MUC6: variants seen among roughly 807,000 people sequenced by gnomAD.
MUC6 encodes the protein mucin-6.
A neutral mutation model predicts 201.5 loss-of-function variants in MUC6; 188 were observed. The ratio of observed to expected loss-of-function variants is 0.93; its 90% CI spans 0.83 to 1.05. The LOEUF (loss-of-function observed/expected upper bound fraction) is 1.05, where lower values mean the gene tolerates loss of function less well. Ranked by LOEUF, MUC6 falls within the 50% of genes least tolerant of loss-of-function variation. MUC6 has a pLI of 0.00. For missense variants in MUC6, 2,706 were observed against 3,256.9 expected (o/e 0.83, Z 4.12); for synonymous variants, 1,228 against 1,389.4 (o/e 0.88, Z 2.58).
rs535850271 is a variant in MUC6, at chr11:1,033,879, C to T, written c.53-804G>A. ...TGCGGCACCTGAGCAGGACCCGTGA[C>T]CTCTCCAGGCCCTTCTTGGGGCCGG... On this transcript the variant is annotated intron_variant, in intron 1 of 32. Coordinates refer to ENST00000421673, the MANE Select transcript of MUC6 (RefSeq NM_005961.3). The surrounding 1 kb of genome is among the most constrained non-coding windows in gnomAD (Gnocchi z 5.6). Among the ~76,000 whole-genome samples, 1 of 152,124 alleles carries T rather than the reference C, an allele frequency of 6.6e-6. No homozygotes were observed. Among genetic ancestry groups the T allele is most frequent in the Non-Finnish European group, 1.5e-5 (1 of 67,984 alleles).
At position 1,020,166 on chromosome 11, in the gene MUC6, G is replaced by A; in HGVS notation, c.3732C>T (p.His1244=). ...SSTGPSPSSN[H]TPASPTQTPL... ...GTGTCTGGGTGGGGCTGGCAGGGGTGTGATTAGAGCTGGGTGAGGGTCCGG... is the reference window on the plus strand; with the variant it reads ...GTGTCTGGGTGGGGCTGGCAGGGGTATGATTAGAGCTGGGTGAGGGTCCGG... The change falls in exon 29 of 33, where the codon CAC becomes CAT. Residue 1244 remains histidine (H), a synonymous_variant. Coordinates refer to ENST00000421673, the MANE Select transcript of MUC6 (RefSeq NM_005961.3). 1.2e-6 allele frequency: 2 copies of A among 1,612,988 alleles called. No individual in the cohort carries two copies. Among genetic ancestry groups the A allele is most frequent in the Non-Finnish European group, 1.7e-6 (2 of 1,179,844 alleles).
Position 1,019,366 on chromosome 11 carries a change from G to C in MUC6, c.3939C>G (p.Ala1313=). The C allele has an allele frequency of 1.2e-6, 2 of 1,613,838 alleles. No individual in the cohort carries two copies. Among genetic ancestry groups the C allele is most frequent in the Non-Finnish European group, 1.7e-6 (2 of 1,179,760 alleles). The change falls in exon 30 of 33, where the codon GCC becomes GCG. Residue 1313 remains alanine, a synonymous_variant. Coordinates refer to ENST00000421673, the MANE Select transcript of MUC6 (RefSeq NM_005961.3). ...GAGCTGTGGACGTCGTGGCTGGGCTGGCGGTCGACGCCGTGGCCCTGGTTG... is the reference window on the plus strand; with the variant it reads ...GAGCTGTGGACGTCGTGGCTGGGCTCGCGGTCGACGCCGTGGCCCTGGTTG... The part of the protein sequence containing the change: ...QATTRATAST[A]SPATTSTAQS...
In MUC6 at chr11:1,027,126, C is replaced by T. The variant is rs569632551; in HGVS notation, c.2284+15G>A. ...CCTCACAGTCCCAGCCTGCGGCCAGCGCTGCTGTACGTACCCAGGAACATC... is the reference window on the plus strand; with the variant it reads ...CCTCACAGTCCCAGCCTGCGGCCAGTGCTGCTGTACGTACCCAGGAACATC... On this transcript the variant is annotated intron_variant, in intron 18 of 32. Coordinates refer to ENST00000421673, the MANE Select transcript of MUC6 (RefSeq NM_005961.3). The T allele has an allele frequency of 2.6e-4, 420 of 1,612,326 alleles. 9 individuals are homozygous for T. The South Asian group carries it at 3.4e-3, about 13-fold the overall frequency.
In MUC6 at chr11:1,029,133, C is replaced by T. The variant is rs761455563; in HGVS notation, c.1293G>A (p.Glu431=). Residue 431 remains glutamate, a synonymous_variant, in exon 11 of 33, where the codon GAG becomes GAA. Transcript: ENST00000421673. The stretch of plus-strand genomic sequence containing the variant: ...CGTACACAGCCATGAGGGCACCGTC[C>T]TCGGGAAGCTGGGGGCTCTGCGAGG... ...YILLQSPQLP[E]DGALMAVYDK... The T allele has an allele frequency of 3.7e-6, 6 of 1,612,194 alleles. No homozygotes were observed. Among genetic ancestry groups the T allele is most frequent in the South Asian group, 1.1e-5 (1 of 90,994 alleles).
chr11:1,028,741 A>C lies in MUC6; in HGVS notation c.1496T>G (p.Met499Arg). Residue 499 changes from methionine to arginine, a missense_variant, in exon 13 of 33, where the codon ATG (methionine) becomes AGG (arginine). Around this residue, in one of 10 missense-constraint regions of MUC6, gnomAD observed 1,850 missense variants for 1,958.3 expected, o/e 0.94. Coordinates refer to ENST00000421673, the MANE Select transcript of MUC6 (RefSeq NM_005961.3). ...GAGCTCCAGCCCGAAGCTGGTGGCCATCTGGAGGTGGGTGGACGTCTGCCT... is the reference window on the plus strand; with the variant it reads ...GAGCTCCAGCCCGAAGCTGGTGGCCCTCTGGAGGTGGGTGGACGTCTGCCT... ...VFRQTSTHLQ[M>R]ATSFGLELVV... 6.2e-7 allele frequency: 1 copy of C among 1,612,506 alleles called. No individual in the cohort carries two copies. Among genetic ancestry groups the C allele is most frequent in the Non-Finnish European group, 8.5e-7 (1 of 1,179,800 alleles).
chr11:1,031,399 A>T, intron 4 of MUC6, 140 bp from the exon 5 acceptor site: 1 of 1,164,210 alleles, frequency 8.6e-7, no homozygotes, highest in Non-Finnish European at 1.2e-6. Flanking sequence ...TGGGAGGCTA[A>T]TTTTCCAGTG....
In MUC6 at chr11:1,029,276, G is replaced by A. The variant is rs1272734163; in HGVS notation, c.1227C>T (p.Asp409=). 1.1e-5 allele frequency: 18 copies of A among 1,606,820 alleles called. No homozygotes were observed. Among genetic ancestry groups the A allele is most frequent in the African/African-American group, 1.3e-5 (1 of 74,858 alleles). Residue 409 remains aspartate, a synonymous_variant, in exon 10 of 33, where the codon GAC becomes GAT. Coordinates refer to ENST00000421673, the MANE Select transcript of MUC6 (RefSeq NM_005961.3). ...LEGGSFVTTF[D]ARPYRFHGTC... is the part of the protein sequence containing the mutation. ...TGCCGTGGAAGCGGTAGGGCCTGGC[G>A]TCAAATGTGGTAACAAAGGAGCCAC...
Position 1,013,575 on chromosome 11 carries a change from A to C in MUC6, c.7201T>G (p.Ser2401Ala). ...GGCAGCTCCAGCTGCTGCTCATAGGAGTGGAGGGGGCGGCAGCAGCTGCAG... is the reference window on the plus strand; with the variant it reads ...GGCAGCTCCAGCTGCTGCTCATAGGCGTGGAGGGGGCGGCAGCAGCTGCAG... ...ARCSCCRPLH[S>A]YEQQLELPCP... The change falls in exon 33 of 33, where the codon TCC becomes GCC. Residue 2401 changes from serine (S) to alanine (A), a missense_variant. This residue lies in a region of MUC6 where 586 missense variants were observed against 488.0 expected (regional missense o/e 1.20). Transcript: ENST00000421673. 6.4e-7 allele frequency: 1 copy of C among 1,572,264 alleles called. No individual in the cohort carries two copies. Among genetic ancestry groups the C allele is most frequent in the South Asian group, 1.2e-5 (1 of 85,410 alleles).
chr11:1,030,533 T>C (rs770718184), intron 7 of MUC6, 40 bp downstream of exon 7: 3 of 1,466,208 alleles, frequency 2.0e-6, no homozygotes, highest in East Asian at 2.5e-5. Context: ...TCTGGAGCCC[T>C]CGGCCTTCCT....
Position 1,015,877 on chromosome 11 carries a change from AG to A in MUC6, c.6923del (p.Pro2308LeufsTer12), listed in dbSNP as rs1275833607. The A allele has an allele frequency of 6.2e-7, 1 of 1,608,590 alleles. No homozygotes were observed. The highest frequency in any genetic ancestry group is 8.5e-7 in the Non-Finnish European group (1 of 1,176,792). ...GTGTGGTAGGCGACAAGGTGGGACCAGGGTGCCTGGTGGTAAGGTTGGTGAC... is the reference window on the plus strand; with the variant it reads ...GTGTGGTAGGCGACAAGGTGGGACCAGGTGCCTGGTGGTAAGGTTGGTGAC... ...SPVTNLTTRH[P>X]GPTLSPTTRF... On this transcript the variant is annotated frameshift_variant, in exon 31 of 33. Transcript: ENST00000421673. LOFTEE classifies it high-confidence loss of function.
chr11:1,020,880 C>CTCTCCCTT (rs1856791371), intron 27 of MUC6, 146 bp from the exon 28 acceptor site: 2 of 1,072,302 alleles, frequency 1.9e-6, no homozygotes, highest in South Asian at 1.5e-5. Context: ...ACCCTCCCCT[C>CTCTCCCTT]TCTCCCTTTC....
chr11:1,029,244 G>C lies in MUC6; in HGVS notation c.1259C>G (p.Thr420Ser). The C allele has an allele frequency of 4.4e-6, 7 of 1,607,898 alleles. No homozygotes were observed. The highest frequency in any genetic ancestry group is 5.9e-6 in the Non-Finnish European group (7 of 1,177,938). Residue 420 changes from threonine (T) to serine (S), a missense_variant, in exon 10 of 33, where the codon ACC becomes AGC. Coordinates refer to ENST00000421673, the MANE Select transcript of MUC6 (RefSeq NM_005961.3). ...TCGTCCTACCTGGAGGAGGATGTAG[G>C]TGCAGGTGCCGTGGAAGCGGTAGGG... ...ARPYRFHGTC[T>S]YILLQSPQLP...
intron 4 of MUC6, 115 bp downstream of exon 4, chr11:1,031,492 C>G: frequency 6.8e-7 from 1 of 1,471,308 alleles, no homozygotes; most frequent in South Asian, 1.3e-5. Flanking sequence ...AAGGGCCTGG[C>G]TGCATGGCAG....
At chr11:1,023,171 A>C (rs1856861409) in intron 26 of MUC6, among the ~76,000 whole-genome samples, 1 of 152,000 alleles carries the variant, frequency 6.6e-6, no homozygotes, top group East Asian at 1.9e-4. Flanking sequence ...ATGAATGTGC[A>C]TGAATCTGCG....
rs769554776 is a variant in MUC6, at chr11:1,021,292, G to A, written c.3527-15C>T. ...GTTGTAGCAGCCTAGGGTGGAGAAC[G>A]GCCAGGGTCTGTGTGACTGGTGGCC... is the stretch of plus-strand genomic sequence containing the variant. On this transcript the variant is annotated splice_polypyrimidine_tract_variant and intron_variant, in intron 26 of 32. Transcript: ENST00000421673. 2.6e-6 allele frequency: 4 copies of A among 1,529,944 alleles called. No homozygotes were observed. Among genetic ancestry groups the A allele is most frequent in the Non-Finnish European group, 3.5e-6 (4 of 1,138,534 alleles). The allele number at this position is 1,529,944 out of a possible 1,614,324, so 94.8% of individuals were successfully genotyped here.
At chr11:1,026,816 C>G in intron 19 of MUC6, 125 bp downstream of exon 19, 1 of 1,056,370 alleles carries the variant, frequency 9.5e-7, no homozygotes, top group East Asian at 2.6e-5. Context: ...GCTTCCACCT[C>G]GTGGCCAGCC....
At position 1,016,045 on chromosome 11, in the gene MUC6, G is replaced by A. The variant is rs961054708; in HGVS notation, c.6756C>T (p.Pro2252=). The A allele has an allele frequency of 1.2e-6, 2 of 1,611,782 alleles. No homozygotes were observed. Among genetic ancestry groups the A allele is most frequent in the Non-Finnish European group, 1.7e-6 (2 of 1,178,490 alleles). Reference sequence around the variant, plus strand: ...CGGTGTGGGTGCTGGCCGTGGTCCTGGGCGTGGACGGAAATGCAATGGTGC... The same window carrying A: ...CGGTGTGGGTGCTGGCCGTGGTCCTAGGCGTGGACGGAAATGCAATGGTGC... ...ASSTIAFPST[P]RTTASTHTAP... Residue 2252 remains proline (P), a synonymous_variant, in exon 31 of 33, where the codon CCC becomes CCT. Transcript: ENST00000421673.
At chr11:1,023,840 C>A in intron 25 of MUC6, 107 bp downstream of exon 25, 1 of 1,478,442 alleles carries the variant, frequency 6.8e-7, no homozygotes, top group Non-Finnish European at 9.1e-7. Context: ...CACAGCCCGG[C>A]GCCTGTCCAG....
chr11:1,015,822 C>T lies in MUC6; in HGVS notation c.6979G>A (p.Gly2327Arg). 6.3e-7 allele frequency: 1 copy of T among 1,577,770 alleles called. No homozygotes were observed. Among genetic ancestry groups the T allele is most frequent in the South Asian group, 1.2e-5 (1 of 84,774 alleles). ...RFLTSSLTAHGSTPASAPVSS... is the reference protein window; with the variant it reads ...RFLTSSLTAHRSTPASAPVSS... ...ACCGGGGCAGAAGCAGGGGTGCTTC[C>T]ATGGGCAGTGAGGGAGCTGGTCAGG... The change falls in exon 31 of 33, where the codon GGA becomes AGA. Residue 2327 changes from glycine to arginine, a missense_variant. Physicochemically the swap from Gly to Arg is moderately radical, Grantham distance 125 (BLOSUM62 -2). Coordinates refer to ENST00000421673, the MANE Select transcript of MUC6 (RefSeq NM_005961.3).
Sources: gnomAD v4.1 joint callset for allele counts (sites outside exome capture counted in the v4.1 genomes callset) on GRCh38, gnomAD v4.1.1 for gene constraint, gnomAD v4.1.1 regional missense constraint, Gnocchi (gnomAD v3.1) non-coding constraint, MANE v1.5 for transcripts, NCBI Gene and HGNC (gene_info 2026-07-23, HGNC 2026-07-21) for gene names.